Variants in ZFHX3 observed in about 807,000 individuals in gnomAD.
ZFHX3 encodes the protein zinc finger homeobox 3.
A neutral mutation model predicts 279.1 loss-of-function variants in ZFHX3; 42 were observed. The observed-to-expected ratio is 0.15, with a 90% CI of 0.12 to 0.19. The LOEUF (loss-of-function observed/expected upper bound fraction) is 0.19, where lower values mean the gene tolerates loss of function less well. Ranked by LOEUF, ZFHX3 falls within the 10% of genes least tolerant of loss-of-function variation. The pLI is 1.00. For missense variants in ZFHX3, 4,981 were observed against 4,754.0 expected (o/e 1.05, Z -1.40); for synonymous variants, 2,293 against 1,957.8 (o/e 1.17, Z -4.52).
intron 8 of ZFHX3, among the ~76,000 whole-genome samples, chr16:73,072,821 T>C (rs1299857890): frequency 6.6e-6 from 1 of 151,730 alleles, no homozygotes; most frequent in Admixed American, 6.6e-5. Flanking sequence ...CTCCCACCTC[T>C]GTCTTCCAAA....
At chr16:73,736,927 G>T (rs1022540148) in intron 1 of ZFHX3, among the ~76,000 whole-genome samples, 1 of 152,238 alleles carries the variant, frequency 6.6e-6, no homozygotes, top group Non-Finnish European at 1.5e-5. Flanking sequence ...AATGCTGTCA[G>T]ATTCCCAAAG....
intron 1 of ZFHX3, among the ~76,000 whole-genome samples, chr16:73,878,267 A>T (rs1412587508): frequency 6.6e-6 from 1 of 152,160 alleles, no homozygotes; most frequent in Non-Finnish European, 1.5e-5. Context: ...ATTCACCAAA[A>T]ATTATGCAAT....
chr16:73,662,809 T>C (rs1291428618), intron 2 of ZFHX3, among the ~76,000 whole-genome samples: 1 of 152,064 alleles, frequency 6.6e-6, no homozygotes, highest in Non-Finnish European at 1.5e-5. Context: ...CCTGCACACA[T>C]CACAATCTTT....
At chr16:73,735,429 G>T (rs183455830) in intron 1 of ZFHX3, among the ~76,000 whole-genome samples, 4 of 148,226 alleles carry the variant, frequency 2.7e-5, no homozygotes, top group Admixed American at 2.7e-4. Context: ...CCTCTCCCCA[G>T]TCCTTGGTAA....
intron 3 of ZFHX3, among the ~76,000 whole-genome samples, chr16:73,380,411 C>G (rs1378998403): frequency 2.0e-5 from 3 of 152,152 alleles, no homozygotes; most frequent in South Asian, 2.1e-4. Context: ...ATCTGCAGAA[C>G]TAGTGAAACG....
At chr16:73,721,078 C>T (rs983236298) in intron 1 of ZFHX3, among the ~76,000 whole-genome samples, 9 of 152,174 alleles carry the variant, frequency 5.9e-5, no homozygotes, top group African/African-American at 2.2e-4. Context: ...TTCACCACTT[C>T]CTCCATAAGA....
In ZFHX3 at chr16:72,959,406, C is replaced by T; in HGVS notation, c.740G>A (p.Ser247Asn). ...RHKSNKDYLNSDGSAKSSCVS... is the reference protein window; with the variant it reads ...RHKSNKDYLNNDGSAKSSCVS... ...GCAGGAGCTTTTGGCAGAACCGTCG[C>T]TGTTCAGGTAATCCTTGTTGCTTTT... Residue 247 changes from serine (S) to asparagine (N), a missense_variant, in exon 2 of 10, where the codon AGC (serine) becomes AAC (asparagine). Ser to Asn is a conservative substitution (Grantham distance 46, BLOSUM62 1). Around this residue, in one of 7 missense-constraint regions of ZFHX3, gnomAD observed 1,068 missense variants for 935.2 expected, o/e 1.14. Transcript: ENST00000268489. 6.2e-7 allele frequency: 1 copy of T among 1,614,234 alleles called. No homozygotes were observed. Among genetic ancestry groups the T allele is most frequent in the East Asian group, 2.2e-5 (1 of 44,864 alleles).
At chr16:73,055,127 CTCT>C (rs1023413270) in intron 1 of ZFHX3, among the ~76,000 whole-genome samples, 18 of 150,418 alleles carry the variant, frequency 1.2e-4, no homozygotes, top group African/African-American at 2.4e-4. Context: ...TCTTTTCTCT[CTCT>C]TTTTTTTTTT....
Position 72,958,889 on chromosome 16 carries a change from G to A in ZFHX3, c.1257C>T (p.Pro419=), listed in dbSNP as rs1961408639. ...SVLKTPITSV[P]LGPLASSPTK... is the part of the protein sequence containing the mutation. Reference sequence around the variant, plus strand: ...TAGGACTGGAAGCCAGAGGCCCCAGGGGGACTGAGGTAATGGGGGTCTTCA... The same window carrying A: ...TAGGACTGGAAGCCAGAGGCCCCAGAGGGACTGAGGTAATGGGGGTCTTCA... The change falls in exon 2 of 10, where the codon CCC becomes CCT. Residue 419 remains proline, a synonymous_variant. Coordinates refer to ENST00000268489, the MANE Select transcript of ZFHX3 (RefSeq NM_006885.4). 10 of 1,610,320 alleles carry A rather than the reference G, an allele frequency of 6.2e-6. No individual in the cohort carries two copies. The highest frequency in any genetic ancestry group is 1.3e-5 in the African/African-American group (1 of 74,858).
intron 8 of ZFHX3, chr16:73,081,785 C>T (rs900022086): frequency 1.3e-5 from 2 of 151,452 alleles, no homozygotes; most frequent in East Asian, 3.9e-4. Flanking sequence ...GTTTATGGCA[C>T]TTATGTCATA....
chr16:73,637,726 C>G (rs534732413), intron 2 of ZFHX3, among the ~76,000 whole-genome samples: 15 of 151,852 alleles, frequency 9.9e-5, no homozygotes, highest in African/African-American at 2.9e-4. Context: ...AGATATAAAA[C>G]TTACACATTA....
chr16:73,334,329 G>T (rs1323638577), intron 3 of ZFHX3, among the ~76,000 whole-genome samples: 5 of 152,176 alleles, frequency 3.3e-5, no homozygotes, highest in Non-Finnish European at 7.3e-5. Flanking sequence ...CAAGAGGACA[G>T]ACTGCAGGGG....
At chr16:73,049,556 A>G (rs1965411858), upstream of ZFHX3, among the ~76,000 whole-genome samples, 1 of 152,222 alleles carries the variant, frequency 6.6e-6, no homozygotes, top group African/African-American at 2.4e-5. Flanking sequence ...GCCCCTTTCT[A>G]CATTTTAGTC....
chr16:73,807,690 T>C (rs1960317388), intron 1 of ZFHX3, among the ~76,000 whole-genome samples: 1 of 146,378 alleles, frequency 6.8e-6, no homozygotes, highest in Non-Finnish European at 1.5e-5. Context: ...AGGCTGGTCT[T>C]GAACTCCTGA....
At chr16:73,074,135 G>A (rs148963909) in intron 8 of ZFHX3, among the ~76,000 whole-genome samples, 1 of 152,212 alleles carries the variant, frequency 6.6e-6, no homozygotes, top group Non-Finnish European at 1.5e-5. Flanking sequence ...AACCCAGTAG[G>A]ATTATATGAC....
At chr16:73,579,083 G>A (rs1322685599) in intron 2 of ZFHX3, among the ~76,000 whole-genome samples, 8 of 152,138 alleles carry the variant, frequency 5.3e-5, no homozygotes, top group Non-Finnish European at 8.8e-5. Context: ...GCCCGCACCT[G>A]GAAGCTTCAT....
intron 2 of ZFHX3, among the ~76,000 whole-genome samples, chr16:73,560,248 C>G (rs1031041761): frequency 3.5e-5 from 3 of 85,134 alleles, no homozygotes; most frequent in Non-Finnish European, 7.3e-5. Flanking sequence ...ATGCTCATTG[C>G]TAAGTAAATA....
At chr16:73,776,295 T>C (rs775690320) in intron 1 of ZFHX3, among the ~76,000 whole-genome samples, 3 of 152,158 alleles carry the variant, frequency 2.0e-5, no homozygotes, top group Non-Finnish European at 4.4e-5. Context: ...CCCGTCTTTA[T>C]GTAAAACAAC....
At chr16:73,265,079 G>GCA (rs2013937508) in intron 4 of ZFHX3, among the ~76,000 whole-genome samples, 1 of 14,450 alleles carries the variant, frequency 6.9e-5, no homozygotes, top group East Asian at 8.8e-3. Flanking sequence ...GCATATATGC[G>GCA]TGTGTGTGTG....
Sources: gnomAD v4.1 joint callset for allele counts (sites outside exome capture counted in the v4.1 genomes callset) on GRCh38, gnomAD v4.1.1 for gene constraint, gnomAD v4.1.1 regional missense constraint, MANE v1.5 for transcripts, NCBI Gene and HGNC (gene_info 2026-07-23, HGNC 2026-07-21) for gene names.